Variants in DNM1L observed in about 807,000 individuals in gnomAD.
The protein encoded by DNM1L is dynamin 1L.
DNM1L carries 33 observed loss-of-function variants against 92.8 expected under a neutral mutation model. The observed-to-expected ratio is 0.36, with a 90% CI of 0.27 to 0.48. The LOEUF (loss-of-function observed/expected upper bound fraction) is 0.48, where lower values mean the gene tolerates loss of function less well. DNM1L is among the 20% of genes least tolerant of loss of function. The probability of loss-of-function intolerance (pLI) is 0.99; values close to 1 mark genes in which losing one functional copy is unlikely to be tolerated. For synonymous variants in DNM1L, 284 were observed against 305.0 expected (o/e 0.93, Z 0.72); for missense variants, 485 against 888.8 (o/e 0.55, Z 5.78).
chr12:32,703,370 C>A (rs1329776930), intron 2 of DNM1L, among the ~76,000 whole-genome samples: 1 of 151,968 alleles, frequency 6.6e-6, no homozygotes, highest in Non-Finnish European at 1.5e-5. Flanking sequence ...ACCCCAAACA[C>A]AATATAGATT....
chr12:32,700,088 G>A (rs1952638965), intron 1 of DNM1L, among the ~76,000 whole-genome samples: 1 of 152,054 alleles, frequency 6.6e-6, no homozygotes, highest in African/African-American at 2.4e-5. Flanking sequence ...TTATCAGTTC[G>A]GGTTTGGTTT....
At chr12:32,740,351 T>C (rs1955202670) in intron 17 of DNM1L, 58 bp from the exon 18 acceptor site, 7 of 1,609,050 alleles carry the variant, frequency 4.4e-6, no homozygotes, top group Non-Finnish European at 6.0e-6. Flanking sequence ...TTTCAGATGT[T>C]AAAGCTGCCA....
chr12:32,725,986 C>A (rs1301901097), intron 9 of DNM1L, among the ~76,000 whole-genome samples: 1 of 149,914 alleles, frequency 6.7e-6, no homozygotes, highest in East Asian at 1.9e-4. Flanking sequence ...ATGAAAGGCA[C>A]AGCTAATCCA....
In DNM1L at chr12:32,679,403, G is replaced by A. The variant is rs1951714567; in HGVS notation, c.40G>A (p.Val14Ile). ...LIPVINKLQDVFNTVGADIIQ... is the reference protein window; with the variant it reads ...LIPVINKLQDIFNTVGADIIQ... ...TCCTGTCATAAACAAGCTCCAGGAC[G>A]TCTTCAACACGGTGGGCGCCGACAT... Residue 14 changes from valine to isoleucine, a missense_variant, in exon 1 of 20, where the codon GTC (valine) becomes ATC (isoleucine). Coordinates refer to ENST00000549701, the MANE Select transcript of DNM1L (RefSeq NM_012062.5). 1 of 1,613,808 alleles carries A rather than the reference G, an allele frequency of 6.2e-7. No homozygotes were observed. The highest frequency in any genetic ancestry group is 8.5e-7 in the Non-Finnish European group (1 of 1,179,930).
chr12:32,736,746 G>A (rs1954909598), intron 13 of DNM1L, among the ~76,000 whole-genome samples: 1 of 152,134 alleles, frequency 6.6e-6, no homozygotes, highest in Admixed American at 6.5e-5. Context: ...TGGTTATGTT[G>A]AAGGCTTACC....
At chr12:32,706,694 AAGGGAAAAC>A (rs1592601612) in intron 2 of DNM1L, 1 of 454,716 alleles carries the variant, frequency 2.2e-6, no homozygotes, top group Non-Finnish European at 4.4e-6. Flanking sequence ...CTCCAGTTCC[AAGGGAAAAC>A]AGTCTTGACC....
chr12:32,718,496 GGTAA>G (rs1953654553), intron 6 of DNM1L, 143 bp from the exon 7 acceptor site: 4 of 997,990 alleles, frequency 4.0e-6, no homozygotes, highest in African/African-American at 1.6e-5. Context: ...AAAAAGCACT[GGTAA>G]GTAAGGCATT....
chr12:32,709,216 A>G (rs1291989939), intron 4 of DNM1L, among the ~76,000 whole-genome samples: 1 of 152,162 alleles, frequency 6.6e-6, no homozygotes, highest in Non-Finnish European at 1.5e-5. Context: ...TCTAGTAACC[A>G]TGTTGTATAG....
At position 32,722,596 on chromosome 12, in the gene DNM1L, A is replaced by G. The variant is rs1280000270; in HGVS notation, c.1042A>G (p.Ile348Val). 3 of 1,612,892 alleles carry G rather than the reference A, an allele frequency of 1.9e-6. No individual in the cohort carries two copies. Among genetic ancestry groups the G allele is most frequent in the Non-Finnish European group, 2.5e-6 (3 of 1,179,970 alleles). ...TKFATEYCNTIEGTAKYIETS... is the reference protein window; with the variant it reads ...TKFATEYCNTVEGTAKYIETS... ...ATTTGCCACAGAATATTGTAACACT[A>G]TTGAAGGAACTGCAAAATATATTGA... Residue 348 changes from isoleucine to valine, a missense_variant, in exon 9 of 20, where the codon ATT becomes GTT. By Grantham distance (29) the Ile-to-Val change is conservative. Transcript: ENST00000549701.
intron 13 of DNM1L, 121 bp from the exon 14 acceptor site, chr12:32,736,984 C>T (rs1310834306): frequency 2.2e-5 from 20 of 889,166 alleles, no homozygotes; most frequent in Non-Finnish European, 3.4e-5. Flanking sequence ...TGGCATGAGT[C>T]CCAACAGTGA....
Position 32,679,343 on chromosome 12 carries a change from G to A in DNM1L, c.-21G>A, listed in dbSNP as rs748468670. On this transcript the variant is annotated 5_prime_UTR_variant, in exon 1 of 20. Transcript: ENST00000549701. ...TCATTGCCGTGGCCGGCGGGCACTG[G>A]GGCCCCGTGTTTTCAGAGTCATGGA... 16 of 1,592,986 alleles carry A rather than the reference G, an allele frequency of 1.0e-5. No individual in the cohort carries two copies. The Admixed American group carries it at 1.3e-4, about 13-fold the overall frequency.
rs1555132100 is a variant in DNM1L, at chr12:32,743,430, A to AGACTT, written c.*21_*25dup. 1 of 1,612,956 alleles carries AGACTT rather than the reference A, an allele frequency of 6.2e-7. No individual in the cohort carries two copies. Among genetic ancestry groups the AGACTT allele is most frequent in the Non-Finnish European group, 8.5e-7 (1 of 1,179,128 alleles). On this transcript the variant is annotated 3_prime_UTR_variant, in exon 20 of 20. Transcript: ENST00000549701. The stretch of plus-strand genomic sequence containing the variant: ...TGGTGAAGAGAACTATGTAATACTG[A>AGACTT]GACTTTGTTGACTCAAAACTTGCTA...
Position 32,711,462 on chromosome 12 carries a change from A to G in DNM1L, c.456+447A>G, listed in dbSNP as rs80047071. On this transcript the variant is annotated intron_variant, in intron 5 of 19. Coordinates refer to ENST00000549701, the MANE Select transcript of DNM1L (RefSeq NM_012062.5). ...ACTTAAATGTCTAATAGACATTTCAAACTCTAATACCGAATTCCTGACCTG... is the reference window on the plus strand; with the variant it reads ...ACTTAAATGTCTAATAGACATTTCAGACTCTAATACCGAATTCCTGACCTG... Among the ~76,000 whole-genome samples, 1,250 of 152,160 alleles carry G rather than the reference A, an allele frequency of 8.2e-3. 21 individuals are homozygous for G. Among genetic ancestry groups the G allele is most frequent in the African/African-American group, 0.028 (1,148 of 41,514 alleles).
At chr12:32,693,158 A>G (rs1445477182) in intron 1 of DNM1L, among the ~76,000 whole-genome samples, 1 of 152,164 alleles carries the variant, frequency 6.6e-6, no homozygotes, top group Non-Finnish European at 1.5e-5. Context: ...AGTGAAGTTT[A>G]TTTATATCTG....
intron 15 of DNM1L, 133 bp downstream of exon 15, chr12:32,738,075 A>G (rs766858076): frequency 3.1e-5 from 34 of 1,097,740 alleles, no homozygotes; most frequent in Non-Finnish European, 4.5e-5. Flanking sequence ...TTAGTCTAAT[A>G]TATATTTTAA....
intron 6 of DNM1L, among the ~76,000 whole-genome samples, chr12:32,714,661 T>C (rs1822884289): frequency 6.6e-6 from 1 of 152,110 alleles, no homozygotes; most frequent in South Asian, 2.1e-4. Context: ...AGATAAACTA[T>C]ATCAAAGAGT....
At chr12:32,717,853 A>T (rs180715578) in intron 6 of DNM1L, among the ~76,000 whole-genome samples, 4,137 of 83,166 alleles carry the variant, frequency 0.05, 376 homozygotes, top group African/African-American at 0.095. Context: ...ATATTTTATA[A>T]ATATACTATA....
rs147471326 is a variant in DNM1L, at chr12:32,693,268, G to A, written c.103-8147G>A. The stretch of plus-strand genomic sequence containing the variant: ...GTGTGAGCATCTTATCATGTTTCTT[G>A]GCTCTTTGAGGTTTTGTTTTGTGAG... On this transcript the variant is annotated intron_variant, in intron 1 of 19. Transcript: ENST00000549701. Among the ~76,000 whole-genome samples the A allele has an allele frequency of 1.8e-3, 268 of 152,156 alleles. 1 individual carries two copies. The highest frequency in any genetic ancestry group is 6.1e-3 in the African/African-American group (254 of 41,498).
intron 1 of DNM1L, among the ~76,000 whole-genome samples, chr12:32,696,086 G>A (rs1231974485): frequency 1.3e-5 from 2 of 151,978 alleles, no homozygotes; most frequent in Non-Finnish European, 2.9e-5. Context: ...AGTAGATGGG[G>A]AACTAAATTT....
Sources: gnomAD v4.1 joint callset for allele counts (sites outside exome capture counted in the v4.1 genomes callset) on GRCh38, gnomAD v4.1.1 for gene constraint, MANE v1.5 for transcripts, NCBI Gene and HGNC (gene_info 2026-07-23, HGNC 2026-07-21) for gene names.